The following UBR2 variants were observed in gnomAD, a reference collection of about 807,000 sequenced individuals.
The protein encoded by UBR2 is ubiquitin protein ligase E3 component n-recognin 2, also known as E3 ubiquitin-protein ligase UBR2.
Under a neutral mutation model 247.9 loss-of-function variants are expected in UBR2, and 92 were observed. That is an observed-to-expected ratio of 0.37 (90% CI 0.31 to 0.44). The LOEUF is 0.44. Ranked by LOEUF, UBR2 falls within the 20% of genes least tolerant of loss-of-function variation. The probability of loss-of-function intolerance (pLI) is 1.00; values close to 1 mark genes in which losing one functional copy is unlikely to be tolerated. For synonymous variants in UBR2, 672 were observed against 693.5 expected, an observed-to-expected ratio of 0.97 and a Z score of 0.49; for missense variants, 1,613 against 2,112.6, an observed-to-expected ratio of 0.76 and a Z score of 4.64.
At chr6:42,601,050 T>A (rs1793326305) in intron 4 of UBR2, among the ~76,000 whole-genome samples, 1 of 152,220 alleles carries the variant, frequency 6.6e-6, no homozygotes, top group South Asian at 2.1e-4. Context: ...AACTGTTGGT[T>A]AGGATTCTCA....
chr6:42,663,388 C>T lies in UBR2; in HGVS notation c.3667C>T (p.Leu1223=). 1 of 1,609,638 alleles carries T rather than the reference C, an allele frequency of 6.2e-7. No homozygotes were observed. Among genetic ancestry groups the T allele is most frequent in the Non-Finnish European group, 8.5e-7 (1 of 1,178,524 alleles). ...ATGCTTGAGTAATACTGTTATTCCT[C>T]TGCTGCTTCCTCCAAGAAATATTTT... is the stretch of plus-strand genomic sequence containing the variant. ...CECLSNTVIP[L]LLPPRNIFNN... The change falls in exon 32 of 47, where the codon CTG becomes TTG. Residue 1223 remains leucine (L), a synonymous_variant. Transcript: ENST00000372901.
chr6:42,690,164 C>A (rs1401913924), intron 46 of UBR2, among the ~76,000 whole-genome samples: 1 of 152,162 alleles, frequency 6.6e-6, no homozygotes, highest in Non-Finnish European at 1.5e-5. Flanking sequence ...GCTAACAATT[C>A]CCCCAAGCAC....
At chr6:42,678,406 A>T in intron 40 of UBR2, 133 bp from the exon 41 acceptor site, 1 of 899,642 alleles carries the variant, frequency 1.1e-6, no homozygotes, top group Non-Finnish European at 1.6e-6. Flanking sequence ...ACACACACCC[A>T]CTTGCCTGTT....
At chr6:42,657,248 A>T (rs1797496322) in intron 26 of UBR2, among the ~76,000 whole-genome samples, 1 of 151,874 alleles carries the variant, frequency 6.6e-6, no homozygotes, top group Non-Finnish European at 1.5e-5. Context: ...AAAAAAAAAA[A>T]AAAAAATTAG....
chr6:42,586,097 G>T (rs984322926), intron 2 of UBR2, among the ~76,000 whole-genome samples: 1 of 152,066 alleles, frequency 6.6e-6, no homozygotes, highest in Non-Finnish European at 1.5e-5. Context: ...CAGCAAGGTG[G>T]CTCACGCTTG....
rs1368392768 is a variant in UBR2 at position 42,689,056 on chromosome 6, C to T, written c.5025-513C>T. Reference sequence around the variant, plus strand: ...CCTAAAGAAGTGGGAGAACATTCTACTCAGAACATTCTGCACAGTTCCTGG... The same window carrying T: ...CCTAAAGAAGTGGGAGAACATTCTATTCAGAACATTCTGCACAGTTCCTGG... On this transcript the variant is annotated intron_variant, in intron 45 of 46. Transcript: ENST00000372901. This position sits in a 1 kb window ranked among gnomAD's most constrained non-coding sequence, Gnocchi z 4.0. Among the ~76,000 whole-genome samples the T allele has an allele frequency of 2.0e-5, 3 of 152,224 alleles. No homozygotes were observed. Among genetic ancestry groups the T allele is most frequent in the Non-Finnish European group, 4.4e-5 (3 of 68,040 alleles).
chr6:42,570,966 T>C (rs1226714472), intron 1 of UBR2, among the ~76,000 whole-genome samples: 1 of 151,662 alleles, frequency 6.6e-6, no homozygotes, highest in Non-Finnish European at 1.5e-5. Context: ...ATTACAGGCA[T>C]GAGCCAAAGA....
Position 42,628,411 on chromosome 6 carries a change from C to T in UBR2, c.1282-4141C>T, listed in dbSNP as rs570116847. On this transcript the variant is annotated intron_variant, in intron 11 of 46. Transcript: ENST00000372901. ...ATTACCTTACAATTAACACAGTCTT[C>T]ATTTTTAGTTTGGTCAAGACCCAGT... Among the ~76,000 whole-genome samples the T allele has an allele frequency of 2.7e-5, 4 of 149,134 alleles. No homozygotes were observed. The South Asian group carries it at 8.3e-4, about 31-fold the overall frequency.
intron 42 of UBR2, among the ~76,000 whole-genome samples, chr6:42,681,406 A>T (rs1427799279): frequency 6.6e-6 from 1 of 151,948 alleles, no homozygotes; most frequent in Admixed American, 6.6e-5. Context: ...GAATTCCTAC[A>T]ACAACAACAA....
chr6:42,616,188 G>T (rs757812584), intron 10 of UBR2, 98 bp downstream of exon 10: 1 of 665,726 alleles, frequency 1.5e-6, no homozygotes, highest in Non-Finnish European at 2.4e-6. Context: ...ATAGTAATAT[G>T]TCAATGTGTT....
rs16895843 is a variant in UBR2, at chr6:42,574,064, G to A, written c.338+71G>A. 6,866 of 1,412,068 alleles carry A rather than the reference G, an allele frequency of 4.9e-3. 219 individuals carry two copies. In the African/African-American group the frequency reaches 0.079, roughly 16 times the overall value. 87.5% of individuals were successfully genotyped at this position (1,412,068 alleles called of 1,614,324 possible). On this transcript the variant is annotated intron_variant, in intron 2 of 46. Coordinates refer to ENST00000372901, the MANE Select transcript of UBR2 (RefSeq NM_001363705.2). Reference sequence around the variant, plus strand: ...ACCTCTTTTTTTCCCTGGAACTTTTGAGTTTTTGTTTAAAAATTATGAAAT... The same window carrying A: ...ACCTCTTTTTTTCCCTGGAACTTTTAAGTTTTTGTTTAAAAATTATGAAAT...
At chr6:42,665,614 A>AT (rs1364591057) in intron 33 of UBR2, 102 bp downstream of exon 33, 1 of 872,410 alleles carries the variant, frequency 1.1e-6, no homozygotes, top group East Asian at 2.6e-5. Flanking sequence ...CCCATTTAAA[A>AT]TTTTGACTCA....
intron 8 of UBR2, among the ~76,000 whole-genome samples, chr6:42,614,071 G>T (rs1185486680): frequency 6.7e-6 from 1 of 149,886 alleles, no homozygotes; most frequent in East Asian, 2.0e-4. Flanking sequence ...CAGGTACTTG[G>T]GAGGCTGAGG....
intron 8 of UBR2, among the ~76,000 whole-genome samples, chr6:42,614,544 A>T (rs890658582): frequency 6.6e-6 from 1 of 152,068 alleles, no homozygotes; most frequent in Non-Finnish European, 1.5e-5. Flanking sequence ...AAAAGGTTGT[A>T]GTAATATGTT....
chr6:42,610,940 G>C (rs541103951), intron 7 of UBR2, among the ~76,000 whole-genome samples: 60 of 151,184 alleles, frequency 4.0e-4, no homozygotes, highest in Middle Eastern at 6.8e-3. Flanking sequence ...TCACCTCCCA[G>C]GTTGAAGCGA....
intron 11 of UBR2, among the ~76,000 whole-genome samples, chr6:42,623,465 T>C (rs908224378): frequency 1.3e-5 from 2 of 152,242 alleles, no homozygotes; most frequent in African/African-American, 4.8e-5. Flanking sequence ...TTTTGGGTTT[T>C]TTTTGAGACG....
chr6:42,688,339 C>T lies in UBR2; in HGVS notation c.4977C>T (p.Cys1659=), dbSNP rs768868037. The change falls in exon 45 of 47, where the codon TGC becomes TGT. Residue 1659 remains cysteine, a synonymous_variant. Transcript: ENST00000372901. The part of the protein sequence containing the change: ...TELEGEDVGA[C]TAHTYSCGSG... ...TGGAAGGGGAGGATGTAGGAGCCTG[C>T]ACAGCTCACACCTACTCCTGTGGCT... 3 of 1,613,832 alleles carry T rather than the reference C, an allele frequency of 1.9e-6. No homozygotes were observed. In the South Asian group the frequency reaches 3.3e-5, roughly 18 times the overall value.
At chr6:42,598,877 T>G (rs1793172154) in intron 4 of UBR2, among the ~76,000 whole-genome samples, 1 of 152,206 alleles carries the variant, frequency 6.6e-6, no homozygotes, top group Non-Finnish European at 1.5e-5. Context: ...TTTTCCTATC[T>G]TTATTTTCAT....
chr6:42,611,087 C>A (rs537944252), intron 7 of UBR2, among the ~76,000 whole-genome samples: 3 of 149,150 alleles, frequency 2.0e-5, no homozygotes, highest in Non-Finnish European at 4.5e-5. Flanking sequence ...CTCAGGTGAT[C>A]CGCCTGCCTC....
Sources: gnomAD v4.1 joint callset for allele counts (sites outside exome capture counted in the v4.1 genomes callset) on GRCh38, gnomAD v4.1.1 for gene constraint, Gnocchi (gnomAD v3.1) non-coding constraint, MANE v1.5 for transcripts, NCBI Gene and HGNC (gene_info 2026-07-23, HGNC 2026-07-21) for gene names.